The following AMZ1 variants were observed in gnomAD, a reference collection of about 807,000 sequenced individuals.
AMZ1 encodes the protein archaemetzincin-1.
Under a neutral mutation model 29.9 loss-of-function variants are expected in AMZ1, and 39 were observed. The ratio of observed to expected loss-of-function variants is 1.30; its 90% CI spans 1.01 to 1.70. The LOEUF is 1.70. Among genes scored for constraint, AMZ1 ranks in the 40% most tolerant of loss-of-function variants. The pLI is 0.00. For synonymous variants in AMZ1, 458 were observed against 304.0 expected (o/e 1.51, Z -5.27); for missense variants, 1,041 against 680.6 (o/e 1.53, Z -5.89).
upstream of AMZ1, among the ~76,000 whole-genome samples, chr7:2,686,844 A>T (rs1350189968): frequency 6.6e-6 from 1 of 151,924 alleles, no homozygotes; most frequent in African/African-American, 2.4e-5. Context: ...CCTCCCGAGT[A>T]GCTGGGACTA....
chr7:2,748,834 T>A (rs1350804119), intron 4 of AMZ1, among the ~76,000 whole-genome samples: 1 of 151,734 alleles, frequency 6.6e-6, no homozygotes, highest in Non-Finnish European at 1.5e-5. Flanking sequence ...AACAACCCCA[T>A]CAAAAAGTGG....
intron 4 of AMZ1, among the ~76,000 whole-genome samples, chr7:2,751,037 C>T (rs1791009306): frequency 6.6e-6 from 1 of 152,290 alleles, no homozygotes; most frequent in Non-Finnish European, 1.5e-5. Context: ...AATATCAACA[C>T]TTTTATCTTG....
At chr7:2,682,896 C>G (rs541684902) in intron 1 of AMZ1, among the ~76,000 whole-genome samples, 1 of 152,358 alleles carries the variant, frequency 6.6e-6, no homozygotes, top group Admixed American at 6.5e-5. Flanking sequence ...ACACCCCCAT[C>G]TCTGCCGTTG....
chr7:2,720,171 C>A (rs1789357854), downstream of AMZ1, among the ~76,000 whole-genome samples: 1 of 152,244 alleles, frequency 6.6e-6, no homozygotes, highest in Non-Finnish European at 1.5e-5. Context: ...CGGCTCCCCT[C>A]TGAGACTCGG....
intron 4 of AMZ1, among the ~76,000 whole-genome samples, chr7:2,759,214 G>A (rs1791446099): frequency 6.6e-6 from 1 of 151,724 alleles, no homozygotes; most frequent in Non-Finnish European, 1.5e-5. Context: ...ACCCCATGAT[G>A]GATCTCAAAA....
rs1788570499 is a variant in AMZ1 at position 2,709,112 on chromosome 7, A to C, written c.639A>C (p.Glu213Asp). 1 of 1,601,174 alleles carries C rather than the reference A, an allele frequency of 6.2e-7. No individual in the cohort carries two copies. The highest frequency in any genetic ancestry group is 8.5e-7 in the Non-Finnish European group (1 of 1,174,238). The change falls in exon 5 of 7, where the codon GAA becomes GAC. Residue 213 changes from glutamate to aspartate, a missense_variant. Physicochemically the swap from Glu to Asp is conservative, Grantham distance 45. Transcript: ENST00000683327. ...GCAGCTTCGCCCGGTTCTCAGGGGA[A>C]TTCCCGAAGTCGGGGCCCAGCGCCC... is the stretch of plus-strand genomic sequence containing the variant. ...GVCSFARFSG[E>D]FPKSGPSAPD...
At chr7:2,691,739 A>AAAAT (rs1787401493) in intron 1 of AMZ1, among the ~76,000 whole-genome samples, 1 of 151,388 alleles carries the variant, frequency 6.6e-6, no homozygotes, top group African/African-American at 2.4e-5. Context: ...TCAAAAAAAA[A>AAAAT]AAAAAAAAAT....
intron 6 of AMZ1, among the ~76,000 whole-genome samples, chr7:2,711,397 C>G (rs547386747): frequency 6.6e-6 from 1 of 152,326 alleles, no homozygotes; most frequent in Admixed American, 6.5e-5. Flanking sequence ...GTGGTGTAAA[C>G]AGTCTCACGA....
At chr7:2,695,495 T>C (rs573446493) in intron 1 of AMZ1, among the ~76,000 whole-genome samples, 70 of 152,104 alleles carry the variant, frequency 4.6e-4, no homozygotes, top group African/African-American at 1.7e-3. Context: ...TAAGGGAGGA[T>C]TGCTTGAGCC....
At chr7:2,698,242 C>G (rs1309641845) in intron 1 of AMZ1, among the ~76,000 whole-genome samples, 1 of 151,918 alleles carries the variant, frequency 6.6e-6, no homozygotes, top group African/African-American at 2.4e-5. Context: ...AAACAAAAAA[C>G]AAGCAAAAAA....
chr7:2,756,915 A>C (rs1318413914), intron 4 of AMZ1, among the ~76,000 whole-genome samples: 1 of 151,200 alleles, frequency 6.6e-6, no homozygotes, highest in African/African-American at 2.4e-5. Flanking sequence ...CTCTATTAAA[A>C]ATTTAAAAAG....
intron 4 of AMZ1, among the ~76,000 whole-genome samples, chr7:2,759,375 C>T (rs961132673): frequency 1.3e-5 from 2 of 152,162 alleles, no homozygotes; most frequent in African/African-American, 4.8e-5. Context: ...AGGGCCTCCC[C>T]CATATCACCT....
chr7:2,702,570 C>T, intron 2 of AMZ1, 152 bp from the exon 3 acceptor site: 2 of 834,918 alleles, frequency 2.4e-6, no homozygotes, highest in East Asian at 2.8e-5. Context: ...TGCTTTCCAT[C>T]CCTTTTCTAA....
chr7:2,731,824 CA>C lies in AMZ1; in HGVS notation n.550+22013del. ...AGAGAAAATAGAAACAAAAAGATGGCAAAAAGATAAGAAGGAAAGAGACTGA... is the reference window on the plus strand; with the variant it reads ...AGAGAAAATAGAAACAAAAAGATGGCAAAAGATAAGAAGGAAAGAGACTGA... On this transcript the variant is annotated intron_variant and non_coding_transcript_variant, in intron 4 of 4. Coordinates refer to the AMZ1 transcript ENST00000489665. The surrounding 1 kb of genome is among the most constrained non-coding windows in gnomAD (Gnocchi z 6.0). 1.3e-6 allele frequency: 1 copy of C among 776,100 alleles called. No homozygotes were observed. The highest frequency in any genetic ancestry group is 1.9e-6 in the Non-Finnish European group (1 of 519,598). 48.1% of individuals were successfully genotyped at this position (776,100 alleles called of 1,614,324 possible). A position where few individuals can be genotyped will look rare whatever the true frequency, so the allele number is the denominator to read the frequency against.
chr7:2,720,215 A>G (rs904621112), downstream of AMZ1, among the ~76,000 whole-genome samples: 1 of 152,074 alleles, frequency 6.6e-6, no homozygotes, highest in Non-Finnish European at 1.5e-5. Context: ...TCATCTACCC[A>G]CGCGGACGCC....
At chr7:2,763,237 C>G, upstream of AMZ1, 1 of 407,118 alleles carries the variant, frequency 2.5e-6, no homozygotes, top group Non-Finnish European at 3.5e-6. Flanking sequence ...CACACGGTCT[C>G]AACACAGTTC....
At chr7:2,750,985 A>C (rs939342920) in intron 4 of AMZ1, among the ~76,000 whole-genome samples, 3 of 152,240 alleles carry the variant, frequency 2.0e-5, no homozygotes, top group Non-Finnish European at 4.4e-5. Context: ...AAGAATTCAC[A>C]ATGTACATCA....
Position 2,731,099 on chromosome 7 carries a change from C to T in AMZ1, n.550+21283C>T. 1.1e-6 allele frequency: 1 copy of T among 931,700 alleles called. No individual in the cohort carries two copies. The highest frequency in any genetic ancestry group is 2.4e-5 in the East Asian group (1 of 41,484). The allele number at this position is 931,700 out of a possible 1,614,324, so 57.7% of individuals were successfully genotyped here. On this transcript the variant is annotated intron_variant and non_coding_transcript_variant, in intron 4 of 4. Transcript: ENST00000489665. The surrounding 1 kb of genome is among the most constrained non-coding windows in gnomAD (Gnocchi z 6.0). ...CGGATCCGAGAAACCCACTCAAGGA[C>T]CACACAGACAACACACACCCAAGAG...
chr7:2,726,665 C>A (rs999074611), intron 4 of AMZ1, among the ~76,000 whole-genome samples: 1 of 152,216 alleles, frequency 6.6e-6, no homozygotes, highest in African/African-American at 2.4e-5. Flanking sequence ...CCCCCACCAG[C>A]CACACATGGG....
Sources: gnomAD v4.1 joint callset for allele counts (sites outside exome capture counted in the v4.1 genomes callset) on GRCh38, gnomAD v4.1.1 for gene constraint, Gnocchi (gnomAD v3.1) non-coding constraint, MANE v1.5 for transcripts, NCBI Gene and HGNC (gene_info 2026-07-23, HGNC 2026-07-21) for gene names.